The following OBSL1 variants were observed in gnomAD, a reference collection of about 807,000 sequenced individuals.
OBSL1 encodes obscurin like cytoskeletal adaptor 1, also known as obscurin-like protein 1.
OBSL1 carries 160 observed loss-of-function variants against 172.0 expected under a neutral mutation model. The observed-to-expected ratio is 0.93, with a 90% CI of 0.82 to 1.06. The LOEUF (loss-of-function observed/expected upper bound fraction) is 1.06. Among genes scored for constraint, OBSL1 ranks in the 50% least tolerant of loss-of-function variants. The probability of loss-of-function intolerance (pLI) is 0.00; values close to 1 mark genes in which losing one functional copy is unlikely to be tolerated. For synonymous variants in OBSL1, 1,200 were observed against 1,196.3 expected (o/e 1.00, Z -0.06); for missense variants, 2,681 against 2,715.4 (o/e 0.99, Z 0.28).
chr2:219,551,025 C>G, intron 20 of OBSL1, 183 bp from the exon 21 acceptor site: 1 of 1,463,664 alleles, frequency 6.8e-7, no homozygotes, highest in Non-Finnish European at 9.0e-7. Context: ...GGGTGGGGCA[C>G]AGCGCGGCAC....
At chr2:219,565,107 TG>T in intron 6 of OBSL1, 134 bp downstream of exon 6, 1 of 902,946 alleles carries the variant, frequency 1.1e-6, no homozygotes, top group Non-Finnish European at 1.6e-6. Context: ...CAGAGTTATC[TG>T]AAACATGTCC....
chr2:219,570,948 C>T lies in OBSL1; in HGVS notation c.285G>A (p.Ala95=). ...GCTCCAGCACGGTGACGGCGGCCGC[C>T]GCGTAGGCCTCGCCGGCCGCGTTGC... ...RARNAAGEAY[A]AAAVTVLEPP... is the part of the protein sequence containing the mutation. The change falls in exon 1 of 21, where the codon GCG becomes GCA. Residue 95 remains alanine, a synonymous_variant. Coordinates refer to ENST00000404537, the MANE Select transcript of OBSL1 (RefSeq NM_015311.3). 7.8e-7 allele frequency: 1 copy of T among 1,276,556 alleles called. No individual in the cohort carries two copies. The highest frequency in any genetic ancestry group is 3.2e-5 in the East Asian group (1 of 31,710). 79.1% of individuals were successfully genotyped at this position (1,276,556 alleles called of 1,614,324 possible). A position where few individuals can be genotyped will look rare whatever the true frequency, so the allele number is the denominator to read the frequency against.
chr2:219,552,752 C>A, intron 17 of OBSL1, 55 bp from the exon 18 acceptor site: 1 of 1,512,312 alleles, frequency 6.6e-7, no homozygotes. Context: ...TTACCGGTCA[C>A]GCCCCCTCCA....
At chr2:219,565,727 G>A (rs190186611) in intron 5 of OBSL1, among the ~76,000 whole-genome samples, 1 of 152,274 alleles carries the variant, frequency 6.6e-6, no homozygotes, top group South Asian at 2.1e-4. Context: ...GCACGCAGGG[G>A]CCAGGAAATC....
chr2:219,552,495 G>T, intron 18 of OBSL1, 41 bp downstream of exon 18: 1 of 1,558,986 alleles, frequency 6.4e-7, no homozygotes, highest in Non-Finnish European at 8.6e-7. Context: ...GAGCCTGGGC[G>T]GGGCAGCGAG....
chr2:219,564,282 C>G (rs1315029245), intron 6 of OBSL1, among the ~76,000 whole-genome samples: 2 of 152,212 alleles, frequency 1.3e-5, no homozygotes, highest in Non-Finnish European at 2.9e-5. Context: ...AGCAGCCAGC[C>G]TACGGACTGC....
At position 219,565,362 on chromosome 2, in the gene OBSL1, C is replaced by T. The variant is rs751023705; in HGVS notation, c.2287G>A (p.Val763Met). The change falls in exon 6 of 21, where the codon GTG becomes ATG. Residue 763 changes from valine to methionine, a missense_variant. Transcript: ENST00000404537. ...TGTTTGCGCCCATCCATCTTCACCA[C>T]CAGCAACTCGCTCTCCTCCACCTTC... Reference protein sequence around the residue: ...GQKVEESELLVVKMDGRKHRL... With the variant: ...GQKVEESELLMVKMDGRKHRL... The T allele has an allele frequency of 6.2e-7, 1 of 1,613,932 alleles. No homozygotes were observed. The highest frequency in any genetic ancestry group is 8.5e-7 in the Non-Finnish European group (1 of 1,179,916).
rs1244333594 is a variant in OBSL1, at chr2:219,558,340, T to C, written c.3346A>G (p.Lys1116Glu). ...GATGCCTCCACTTCCAGCCCGTCCT[T>C]GTACCAGCGCACCTGAGACCCAGCT... ...APAGSQVRWY[K>E]DGLEVEASDA... The change falls in exon 10 of 21, where the codon AAG becomes GAG. Residue 1116 changes from lysine to glutamate, a missense_variant. Around this residue, in one of 5 missense-constraint regions of OBSL1, gnomAD observed 1,765 missense variants for 1,748.3 expected, o/e 1.01. Transcript: ENST00000404537. The C allele has an allele frequency of 2.5e-6, 4 of 1,612,688 alleles. No individual in the cohort carries two copies. The highest frequency in any genetic ancestry group is 2.5e-6 in the Non-Finnish European group (3 of 1,179,610).
At chr2:219,549,295 C>A (rs755804395), downstream of OBSL1, 4 of 1,613,910 alleles carry the variant, frequency 2.5e-6, no homozygotes, top group South Asian at 4.4e-5. Context: ...GCCACCAGAC[C>A]CTGCTTATCG....
chr2:219,549,043 A>G, downstream of OBSL1: 1 of 1,254,422 alleles, frequency 8.0e-7, no homozygotes, highest in Non-Finnish European at 1.1e-6. Context: ...GGGGTTATGG[A>G]CAAGAGGAAT....
chr2:219,561,947 C>CTT (rs899646106), intron 8 of OBSL1: 3 of 717,436 alleles, frequency 4.2e-6, no homozygotes, highest in Non-Finnish European at 7.8e-6. Context: ...GGGTCTTCGG[C>CTT]TTTTTCAAGA....
In OBSL1 at chr2:219,552,562, C is replaced by T. The variant is rs765022188; in HGVS notation, c.5282G>A (p.Gly1761Glu). The T allele has an allele frequency of 3.8e-6, 6 of 1,596,394 alleles. No individual in the cohort carries two copies. Among genetic ancestry groups the T allele is most frequent in the Non-Finnish European group, 5.1e-6 (6 of 1,177,614 alleles). The change falls in exon 18 of 21, where the codon GGA becomes GAA. Residue 1761 changes from glycine (G) to glutamate (E), a missense_variant. Gly to Glu is a moderately conservative substitution (Grantham distance 98). Around this residue, in one of 5 missense-constraint regions of OBSL1, gnomAD observed 1,765 missense variants for 1,748.3 expected, o/e 1.01. Coordinates refer to ENST00000404537, the MANE Select transcript of OBSL1 (RefSeq NM_015311.3). ...WELGGRPLRP[G>E]ARVRIRQEGK... ...TTCCTGTCGGATGCGGACGCGGGCT[C>T]CGGGTCTCAGCGGGCGGCCTCCGAG... is the stretch of plus-strand genomic sequence containing the variant.
In OBSL1 at chr2:219,554,631, G is replaced by A. The variant is rs1481045001; in HGVS notation, c.4719C>T (p.Ala1573=). 3.1e-6 allele frequency: 5 copies of A among 1,611,748 alleles called. No individual in the cohort carries two copies. Among genetic ancestry groups the A allele is most frequent in the Non-Finnish European group, 4.2e-6 (5 of 1,179,088 alleles). The change falls in exon 15 of 21, where the codon GCC becomes GCT. Residue 1573 remains alanine (A), a synonymous_variant. Transcript: ENST00000404537. ...CTGGATACAGCTGTACTCCACCCCG[G>A]GCCCACTCCCCGGTCACACCTTCCT... is the stretch of plus-strand genomic sequence containing the variant. ...LSQEGVTGEW[A]RGGVQLYPGP...
At position 219,554,505 on chromosome 2, in the gene OBSL1, G is replaced by T; in HGVS notation, c.4845C>A (p.Ser1615=). The T allele has an allele frequency of 6.2e-7, 1 of 1,613,314 alleles. No individual in the cohort carries two copies. The highest frequency in any genetic ancestry group is 2.2e-5 in the East Asian group (1 of 44,882). ...DSGCVSFTAD[S]LRCAARLIVR... is the part of the protein sequence containing the mutation. Reference sequence around the variant, plus strand: ...CAATGAGTCTGGCTGCGCAGCGCAGGGAATCCGCTGTGAAGGAGACACAGC... The same window carrying T: ...CAATGAGTCTGGCTGCGCAGCGCAGTGAATCCGCTGTGAAGGAGACACAGC... The change falls in exon 15 of 21, where the codon TCC becomes TCA. Residue 1615 remains serine, a synonymous_variant. Transcript: ENST00000404537.
At chr2:219,548,035 T>A (rs1214399678), downstream of OBSL1, 1 of 1,587,498 alleles carries the variant, frequency 6.3e-7, no homozygotes, top group Admixed American at 1.7e-5. Flanking sequence ...TGATGGGCGT[T>A]CTGGTGCAGT....
Position 219,563,487 on chromosome 2 carries a change from T to C in OBSL1, c.2548A>G (p.Ser850Gly). The part of the protein sequence containing the change: ...WYKDGQEVEE[S>G]DFVVLENEGP... ...TCATTCTCCAGCACCACGAAGTCAC[T>C]CTCCTCCACCTCCTGCCCGTCCTTG... The change falls in exon 7 of 21, where the codon AGT becomes GGT. Residue 850 changes from serine to glycine, a missense_variant. Ser to Gly is a moderately conservative substitution (Grantham distance 56). This residue lies in a region of OBSL1 where 1,765 missense variants were observed against 1,748.3 expected (regional missense o/e 1.01). Coordinates refer to ENST00000404537, the MANE Select transcript of OBSL1 (RefSeq NM_015311.3). 6.2e-7 allele frequency: 1 copy of C among 1,613,620 alleles called. No homozygotes were observed. The highest frequency in any genetic ancestry group is 1.1e-5 in the South Asian group (1 of 91,074).
intron 7 of OBSL1, 33 bp from the exon 8 acceptor site, chr2:219,562,707 A>G (rs1360990566): frequency 3.4e-6 from 3 of 891,494 alleles, no homozygotes; most frequent in South Asian, 1.5e-5. Flanking sequence ...GCCGGGCATG[A>G]GGGGTGTGCC....
At position 219,551,801 on chromosome 2, in the gene OBSL1, G is replaced by C. The variant is rs564238020; in HGVS notation, c.5414-3C>G. On this transcript the variant is annotated splice_polypyrimidine_tract_variant and splice_region_variant and intron_variant, in intron 19 of 20. Coordinates refer to ENST00000404537, the MANE Select transcript of OBSL1 (RefSeq NM_015311.3). ...GCGGCACATCTGGAGAGGCAATGCT[G>C]GGGGTAGGGGGCGGGGGCTTAAGTT... is the stretch of plus-strand genomic sequence containing the variant. 6.5e-7 allele frequency: 1 copy of C among 1,550,206 alleles called. No homozygotes were observed. Among genetic ancestry groups the C allele is most frequent in the African/African-American group, 1.3e-5 (1 of 74,116 alleles).
chr2:219,547,351 C>T, downstream of OBSL1: 1 of 578,058 alleles, frequency 1.7e-6, no homozygotes, highest in South Asian at 5.6e-5. Context: ...GGCCCCATCA[C>T]TGATGCCGTC....
Sources: allele counts gnomAD v4.1 joint callset (sites outside exome capture counted in the v4.1 genomes callset), GRCh38; gene constraint gnomAD v4.1.1; regional missense constraint gnomAD v4.1.1; transcripts MANE v1.5; gene names NCBI Gene and HGNC (gene_info 2026-07-23, HGNC 2026-07-21).